FAT3: variants seen among roughly 807,000 people sequenced by gnomAD.
FAT3 encodes the protein protocadherin Fat 3.
FAT3 carries 95 observed loss-of-function variants against 310.2 expected under a neutral mutation model. The observed-to-expected ratio is 0.31, with a 90% CI of 0.26 to 0.36. FAT3 has a LOEUF of 0.36. FAT3 is among the 10% of genes least tolerant of loss of function. The pLI, the probability that FAT3 is intolerant of heterozygous loss-of-function variation, is 1.00. For missense variants in FAT3, 5,408 were observed against 5,715.6 expected, an observed-to-expected ratio of 0.95 and a Z score of 1.74; for synonymous variants, 2,314 against 2,192.9, an observed-to-expected ratio of 1.06 and a Z score of -1.54.
chr11:92,354,836 C>G lies in FAT3; in HGVS notation c.2724C>G (p.Asp908Glu). The stretch of plus-strand genomic sequence containing the variant: ...ATTCTTTGAAAATAGAAGCCAGGGA[C>G]AAGGCAGAGAGTGGTCAGCAGCTGT... Reference protein sequence around the residue: ...ANYSLKIEARDKAESGQQLFS... With the variant: ...ANYSLKIEAREKAESGQQLFS... The change falls in exon 2 of 28, where the codon GAC (aspartate) becomes GAG (glutamate). Residue 908 changes from aspartate to glutamate, a missense_variant. Asp to Glu is a conservative substitution (Grantham distance 45). Transcript: ENST00000525166. The G allele has an allele frequency of 1.2e-6, 2 of 1,613,830 alleles. No homozygotes were observed. The highest frequency in any genetic ancestry group is 1.7e-6 in the Non-Finnish European group (2 of 1,179,854).
chr11:92,368,639 T>G (rs1382476854), intron 2 of FAT3, among the ~76,000 whole-genome samples: 3 of 152,052 alleles, frequency 2.0e-5, no homozygotes, highest in Admixed American at 6.6e-5. Context: ...CTCTGTTCAT[T>G]TTAGCCTAAT....
At chr11:92,261,054 T>G (rs907809868) in intron 1 of FAT3, among the ~76,000 whole-genome samples, 5 of 152,066 alleles carry the variant, frequency 3.3e-5, no homozygotes, top group African/African-American at 4.8e-5. Context: ...AATTGTATCA[T>G]TTATTCATAT....
In FAT3 at chr11:92,764,866, C is replaced by T. The variant is rs1222029684; in HGVS notation, c.3985-13C>T. The T allele has an allele frequency of 1.2e-6, 2 of 1,611,364 alleles. No individual in the cohort carries two copies. Among genetic ancestry groups the T allele is most frequent in the Non-Finnish European group, 8.5e-7 (1 of 1,178,356 alleles). ...GTCTGAGACATCTTTCTCTTCTCTC[C>T]CTGTGTGAGTAGATAAAGGCAGTGG... is the stretch of plus-strand genomic sequence containing the variant. On this transcript the variant is annotated splice_polypyrimidine_tract_variant and intron_variant, in intron 5 of 27. Transcript: ENST00000525166.
intron 3 of FAT3, among the ~76,000 whole-genome samples, chr11:92,664,858 G>A (rs1049536622): frequency 2.0e-5 from 3 of 152,034 alleles, no homozygotes; most frequent in African/African-American, 7.2e-5. Flanking sequence ...TTTCTATTTA[G>A]TGCTTCTTCC....
chr11:92,285,549 A>G (rs1375388811), intron 1 of FAT3, among the ~76,000 whole-genome samples: 1 of 152,126 alleles, frequency 6.6e-6, no homozygotes, highest in South Asian at 2.1e-4. Flanking sequence ...ATTGTAGCTC[A>G]TTTGAGGGGC....
chr11:92,584,679 G>T (rs551021047), intron 3 of FAT3, among the ~76,000 whole-genome samples: 5 of 152,104 alleles, frequency 3.3e-5, no homozygotes, highest in African/African-American at 1.2e-4. Context: ...GGAGATGGTA[G>T]AAAAGGAGTG....
intron 2 of FAT3, among the ~76,000 whole-genome samples, chr11:92,495,178 TTG>T (rs1363212991): frequency 6.6e-6 from 1 of 152,080 alleles, no homozygotes; most frequent in Non-Finnish European, 1.5e-5. Context: ...TTTTGTAAAC[TTG>T]TCTTATTTGA....
intron 9 of FAT3, among the ~76,000 whole-genome samples, chr11:92,793,776 A>C (rs191683377): frequency 5.4e-4 from 83 of 152,306 alleles, no homozygotes; most frequent in Non-Finnish European, 9.0e-4. Context: ...GTCTGTCGTG[A>C]ATAATGCCAA....
intron 3 of FAT3, among the ~76,000 whole-genome samples, chr11:92,597,466 CATT>C (rs1466321264): frequency 6.6e-6 from 1 of 152,192 alleles, no homozygotes; most frequent in Non-Finnish European, 1.5e-5. Context: ...CTACCATGTG[CATT>C]ATTCAGGCCC....
At chr11:92,536,964 A>G (rs1954279085) in intron 3 of FAT3, among the ~76,000 whole-genome samples, 1 of 152,178 alleles carries the variant, frequency 6.6e-6, no homozygotes, top group Non-Finnish European at 1.5e-5. Context: ...TTAACAGTGG[A>G]CAAGTTTACT....
intron 3 of FAT3, among the ~76,000 whole-genome samples, chr11:92,539,939 T>C (rs1954385201): frequency 1.3e-5 from 2 of 152,160 alleles, no homozygotes. Flanking sequence ...AAGGGCCACA[T>C]GCTTGGTGTC....
intron 2 of FAT3, among the ~76,000 whole-genome samples, chr11:92,486,061 G>T (rs1362178003): frequency 7.0e-6 from 1 of 142,840 alleles, no homozygotes; most frequent in Non-Finnish European, 1.5e-5. Flanking sequence ...GGAGATATGG[G>T]AAAAATATGA....
chr11:92,553,698 TTCCTTCC>T (rs1363577930), intron 3 of FAT3, among the ~76,000 whole-genome samples: 4 of 150,430 alleles, frequency 2.7e-5, no homozygotes, highest in African/African-American at 9.8e-5. Flanking sequence ...CCTTCCTTCC[TTCCTTCC>T]TTCCTTCCTT....
intron 2 of FAT3, among the ~76,000 whole-genome samples, chr11:92,506,031 A>G (rs1241874914): frequency 1.3e-5 from 2 of 152,174 alleles, no homozygotes; most frequent in Non-Finnish European, 2.9e-5. Flanking sequence ...GCAGGACAGC[A>G]TATCTGTGGC....
At chr11:92,658,842 A>C (rs1044874994) in intron 3 of FAT3, among the ~76,000 whole-genome samples, 1 of 152,116 alleles carries the variant, frequency 6.6e-6, no homozygotes, top group Non-Finnish European at 1.5e-5. Flanking sequence ...AGCCCTGTTC[A>C]ATGAGCTGTC....
At chr11:92,462,802 CA>C (rs1188823572) in intron 2 of FAT3, among the ~76,000 whole-genome samples, 1 of 152,158 alleles carries the variant, frequency 6.6e-6, no homozygotes, top group Non-Finnish European at 1.5e-5. Flanking sequence ...GAAATTCCTA[CA>C]ATATATAAGA....
chr11:92,692,531 A>G (rs1295220822), intron 3 of FAT3, among the ~76,000 whole-genome samples: 1 of 152,254 alleles, frequency 6.6e-6, no homozygotes, highest in African/African-American at 2.4e-5. Flanking sequence ...AGTTGTGTTT[A>G]AAGACCCAAA....
At chr11:92,653,526 A>G (rs1942464599) in intron 3 of FAT3, among the ~76,000 whole-genome samples, 2 of 152,190 alleles carry the variant, frequency 1.3e-5, no homozygotes, top group Admixed American at 1.3e-4. Context: ...AAGGCTACCA[A>G]ATCATATCTG....
intron 3 of FAT3, among the ~76,000 whole-genome samples, chr11:92,594,943 G>A (rs144151591): frequency 5.3e-5 from 8 of 152,046 alleles, no homozygotes; most frequent in Admixed American, 5.2e-4. Context: ...TAGAAAAATT[G>A]TACCTATTAA....
Sources: gnomAD v4.1 joint callset for allele counts (sites outside exome capture counted in the v4.1 genomes callset) on GRCh38, gnomAD v4.1.1 for gene constraint, MANE v1.5 for transcripts, NCBI Gene and HGNC (gene_info 2026-07-23, HGNC 2026-07-21) for gene names.